Variants in SENP1 observed in about 807,000 individuals in gnomAD.
SENP1 encodes SUMO specific peptidase 1.
SENP1 carries 21 observed loss-of-function variants against 93.0 expected under a neutral mutation model. The ratio of observed to expected loss-of-function variants is 0.23; its 90% CI spans 0.16 to 0.33. The LOEUF is 0.33. Ranked by LOEUF, SENP1 falls within the 10% of genes least tolerant of loss-of-function variation. The pLI is 1.00. For missense variants in SENP1, 591 were observed against 758.7 expected (o/e 0.78, Z 2.60); for synonymous variants, 256 against 259.6 (o/e 0.99, Z 0.13).
rs1943244284 is a variant in SENP1, at chr12:48,065,578, T to G, written c.1119+18A>C. 1 of 1,480,232 alleles carries G rather than the reference T, an allele frequency of 6.8e-7. No homozygotes were observed. Among genetic ancestry groups the G allele is most frequent in the Non-Finnish European group, 9.2e-7 (1 of 1,087,088 alleles). The allele number at this position is 1,480,232 out of a possible 1,614,324, so 91.7% of individuals were successfully genotyped here. A position where few individuals can be genotyped will look rare whatever the true frequency, so the allele number is the denominator to read the frequency against. ...ATGTACTATTTATTTGTAATATTATTCCAATTTTCTTTTTTACCTGGTTTT... is the reference window on the plus strand; with the variant it reads ...ATGTACTATTTATTTGTAATATTATGCCAATTTTCTTTTTTACCTGGTTTT... On this transcript the variant is annotated intron_variant, in intron 11 of 17. Transcript: ENST00000549518.
Position 48,045,289 on chromosome 12 carries a change from C to G in SENP1, c.*33G>C, listed in dbSNP as rs745647001. On this transcript the variant is annotated 3_prime_UTR_variant, in exon 18 of 18. Transcript: ENST00000549518. ...TGTAGACAACAAAGAGCTGGTCCCCCACATGGTCAAGGTCTGCTAAGTGAG... is the reference window on the plus strand; with the variant it reads ...TGTAGACAACAAAGAGCTGGTCCCCGACATGGTCAAGGTCTGCTAAGTGAG... 2.5e-6 allele frequency: 4 copies of G among 1,590,422 alleles called. No homozygotes were observed. Among genetic ancestry groups the G allele is most frequent in the Middle Eastern group, 3.3e-4 (2 of 6,026 alleles).
At chr12:48,105,450 T>C (rs1446800907) in intron 1 of SENP1, 8 of 518,896 alleles carry the variant, frequency 1.5e-5, no homozygotes, top group Non-Finnish European at 3.8e-6. Flanking sequence ...AAGGGGATTT[T>C]CATAACCTGA....
chr12:48,097,810 TTTGTC>T, intron 3 of SENP1, 179 bp downstream of exon 3: 2 of 513,412 alleles, frequency 3.9e-6, no homozygotes, highest in Non-Finnish European at 6.8e-6. Context: ...CATAGCCTAT[TTTGTC>T]TTAACGTCCT....
At chr12:48,070,033 T>C (rs982960255) in intron 9 of SENP1, among the ~76,000 whole-genome samples, 10 of 152,200 alleles carry the variant, frequency 6.6e-5, no homozygotes, top group Non-Finnish European at 1.3e-4. Context: ...TTACTATGGA[T>C]TACTATTACT....
In SENP1 at chr12:48,074,376, G is replaced by C; in HGVS notation, c.888C>G (p.His296Gln). 1.2e-6 allele frequency: 2 copies of C among 1,613,908 alleles called. No homozygotes were observed. Among genetic ancestry groups the C allele is most frequent in the South Asian group, 1.1e-5 (1 of 91,086 alleles). ...SGTLHHPHHH[H>Q]SVPHQPDNLA... The stretch of plus-strand genomic sequence containing the variant: ...AGTTATCTGGCTGATGTGGAACAGA[G>C]TGGTGATGATGGGGATGATGAAGAG... The change falls in exon 8 of 18, where the codon CAC (histidine) becomes CAG (glutamine). Residue 296 changes from histidine to glutamine, a missense_variant. His to Gln is a conservative substitution (Grantham distance 24). Around this residue, in one of 4 missense-constraint regions of SENP1, gnomAD observed 238 missense variants for 259.1 expected, o/e 0.92. Transcript: ENST00000549518.
At chr12:48,059,511 GAT>G (rs1942816341) in intron 13 of SENP1, among the ~76,000 whole-genome samples, 1 of 152,088 alleles carries the variant, frequency 6.6e-6, no homozygotes, top group African/African-American at 2.4e-5. Flanking sequence ...ATATGTGGAA[GAT>G]ATTTATAGTA....
intron 6 of SENP1, among the ~76,000 whole-genome samples, chr12:48,080,709 T>C (rs1252281529): frequency 6.6e-6 from 1 of 152,228 alleles, no homozygotes; most frequent in Middle Eastern, 3.2e-3. Flanking sequence ...AATAAATTTG[T>C]TGAAAGTCTG....
At chr12:48,064,680 T>C (rs530627743) in intron 12 of SENP1, among the ~76,000 whole-genome samples, 38 of 151,806 alleles carry the variant, frequency 2.5e-4, no homozygotes, top group African/African-American at 8.4e-4. Flanking sequence ...TGGCTTTTTG[T>C]GTGTGTGTGT....
rs1941156446 is a variant in SENP1, at chr12:48,043,714, A to AG, written c.*1607dup. ...CTTTCCCCAAAAGGCAGGCAGTTGA[A>AG]GGGAGGACATGTAGTTGCTGGAGTG... is the stretch of plus-strand genomic sequence containing the variant. On this transcript the variant is annotated 3_prime_UTR_variant, in exon 18 of 18. Coordinates refer to ENST00000549518, the MANE Select transcript of SENP1 (RefSeq NM_001267594.2). 1 of 152,772 alleles carries AG rather than the reference A, an allele frequency of 6.5e-6. No homozygotes were observed. The highest frequency in any genetic ancestry group is 2.4e-5 in the African/African-American group (1 of 41,584). 9.5% of individuals were successfully genotyped at this position (152,772 alleles called of 1,614,324 possible). A position where few individuals can be genotyped will look rare whatever the true frequency, so the allele number is the denominator to read the frequency against.
chr12:48,088,971 A>T lies in SENP1; in HGVS notation c.221-11T>A, dbSNP rs1279094872. ...CTGAGGAAGGATTATCTAAAAAAAT[A>T]AAAGTTTGAATAAATTAAACAAATT... On this transcript the variant is annotated splice_polypyrimidine_tract_variant and intron_variant, in intron 4 of 17. Transcript: ENST00000549518. 6.4e-7 allele frequency: 1 copy of T among 1,573,030 alleles called. No individual in the cohort carries two copies. Among genetic ancestry groups the T allele is most frequent in the Non-Finnish European group, 8.6e-7 (1 of 1,161,400 alleles).
intron 2 of SENP1, among the ~76,000 whole-genome samples, chr12:48,101,131 C>A (rs1046706697): frequency 4.6e-5 from 7 of 152,010 alleles, no homozygotes; most frequent in Admixed American, 3.9e-4. Flanking sequence ...ACTAAAAATA[C>A]GAAAATCAGC....
chr12:48,046,490 G>T, intron 16 of SENP1, 39 bp from the exon 17 acceptor site: 4 of 1,328,258 alleles, frequency 3.0e-6, no homozygotes, highest in Non-Finnish European at 3.3e-6. Flanking sequence ...ATCTTTCCAA[G>T]CTTCTTTCCT....
intron 12 of SENP1, 127 bp downstream of exon 12, chr12:48,064,938 A>C: frequency 1.5e-6 from 1 of 663,318 alleles, no homozygotes; most frequent in Non-Finnish European, 2.6e-6. Context: ...CAGTCTCCCA[A>C]AGTGATGGGA....
chr12:48,084,622 T>C (rs1444835623), intron 5 of SENP1, among the ~76,000 whole-genome samples: 1 of 152,072 alleles, frequency 6.6e-6, no homozygotes, highest in Non-Finnish European at 1.5e-5. Context: ...GTGATTTTTG[T>C]ATTTTTGTAG....
In SENP1 at chr12:48,093,788, A is replaced by G. The variant is rs144540959; in HGVS notation, c.220+2555T>C. On this transcript the variant is annotated intron_variant, in intron 4 of 17. Coordinates refer to ENST00000549518, the MANE Select transcript of SENP1 (RefSeq NM_001267594.2). The stretch of plus-strand genomic sequence containing the variant: ...ACTATTAGCCTGGACAACATGGCGA[A>G]ACTCCGTCTCTACCAAAAAATGCAA... Among the ~76,000 whole-genome samples, 28 of 151,400 alleles carry G rather than the reference A, an allele frequency of 1.8e-4. No homozygotes were observed. In the East Asian group the frequency reaches 5.3e-3, roughly 28 times the overall value.
chr12:48,102,810 CAAAAAAAA>C (rs1221712691), intron 1 of SENP1, among the ~76,000 whole-genome samples: 3 of 83,144 alleles, frequency 3.6e-5, no homozygotes, highest in Non-Finnish European at 5.1e-5. Context: ...GACTCCGTCT[CAAAAAAAA>C]AAAAAAAAAA....
At chr12:48,094,820 C>T (rs1288018593) in intron 4 of SENP1, among the ~76,000 whole-genome samples, 5 of 152,082 alleles carry the variant, frequency 3.3e-5, no homozygotes, top group Non-Finnish European at 7.4e-5. Flanking sequence ...GAGATTCTAT[C>T]CAATGGTAAA....
intron 13 of SENP1, among the ~76,000 whole-genome samples, chr12:48,056,238 T>C (rs1195185603): frequency 1.7e-5 from 2 of 117,750 alleles, no homozygotes; most frequent in African/African-American, 6.9e-5. Context: ...GTATATATTT[T>C]ACATATAATA....
Position 48,044,143 on chromosome 12 carries a change from G to A in SENP1, c.*1179C>T, listed in dbSNP as rs1485140441. The A allele has an allele frequency of 6.7e-6, 1 of 150,358 alleles. No individual in the cohort carries two copies. The highest frequency in any genetic ancestry group is 2.4e-5 in the African/African-American group (1 of 40,832). The allele number at this position is 150,358 out of a possible 1,614,324, so 9.3% of individuals were successfully genotyped here. A position where few individuals can be genotyped will look rare whatever the true frequency, so the allele number is the denominator to read the frequency against. ...ACTCCACCCGTTTTTTTTTTTAGCT[G>A]AAAATATCACCTCCCTCTGTAACCT... On this transcript the variant is annotated 3_prime_UTR_variant, in exon 18 of 18. Coordinates refer to ENST00000549518, the MANE Select transcript of SENP1 (RefSeq NM_001267594.2).
Sources: allele counts gnomAD v4.1 joint callset (sites outside exome capture counted in the v4.1 genomes callset), GRCh38; gene constraint gnomAD v4.1.1; regional missense constraint gnomAD v4.1.1; transcripts MANE v1.5; gene names NCBI Gene and HGNC (gene_info 2026-07-23, HGNC 2026-07-21).